The following PTPRS variants were observed in gnomAD, a reference collection of about 807,000 sequenced individuals.
PTPRS encodes the protein protein tyrosine phosphatase receptor type S, also known as receptor-type tyrosine-protein phosphatase S.
PTPRS carries 63 observed loss-of-function variants against 215.3 expected under a neutral mutation model. That is an observed-to-expected ratio of 0.29 (90% CI 0.24 to 0.36). The LOEUF (loss-of-function observed/expected upper bound fraction) is 0.36, where lower values mean the gene tolerates loss of function less well. Among genes scored for constraint, PTPRS ranks in the 10% least tolerant of loss-of-function variants. PTPRS has a pLI of 1.00. For synonymous variants in PTPRS, 1,404 were observed against 1,191.4 expected (o/e 1.18, Z -3.68); for missense variants, 2,258 against 2,825.8 (o/e 0.80, Z 4.56).
chr19:5,313,965 AATAAT>A (rs1555808199), intron 1 of PTPRS, among the ~76,000 whole-genome samples: 6 of 138,840 alleles, frequency 4.3e-5, no homozygotes, highest in South Asian at 2.2e-4. Context: ...TAATAATAAT[AATAAT>A]AAATAAAAGT....
chr19:5,262,879 T>C, intron 6 of PTPRS, 85 bp downstream of exon 6: 1 of 1,366,972 alleles, frequency 7.3e-7, no homozygotes. Flanking sequence ...ACGGTGGCTG[T>C]TAGTTTGGTG....
intron 11 of PTPRS, among the ~76,000 whole-genome samples, chr19:5,242,525 G>A (rs890621871): frequency 2.7e-5 from 4 of 150,512 alleles, no homozygotes; most frequent in Admixed American, 6.7e-5. Flanking sequence ...GTGCCACCAC[G>A]ACTGGCTAAT....
At chr19:5,239,555 G>C (rs975851614) in intron 12 of PTPRS, among the ~76,000 whole-genome samples, 7 of 151,092 alleles carry the variant, frequency 4.6e-5, no homozygotes, top group African/African-American at 1.7e-4. Context: ...GACAGATACA[G>C]AGATAGACAC....
intron 2 of PTPRS, among the ~76,000 whole-genome samples, chr19:5,284,006 C>T (rs893052091): frequency 5.9e-5 from 9 of 151,542 alleles, no homozygotes; most frequent in African/African-American, 1.2e-4. Flanking sequence ...CTTAAGCTCA[C>T]GAGTTTGAGA....
At chr19:5,271,284 G>A (rs1478985577) in intron 4 of PTPRS, among the ~76,000 whole-genome samples, 5 of 152,184 alleles carry the variant, frequency 3.3e-5, no homozygotes, top group African/African-American at 7.2e-5. Flanking sequence ...ACACAGTAAC[G>A]GGGAAGTAGA....
At chr19:5,213,220 G>GC (rs2041092200) in intron 30 of PTPRS, among the ~76,000 whole-genome samples, 2 of 152,090 alleles carry the variant, frequency 1.3e-5, no homozygotes, top group South Asian at 4.1e-4. Context: ...TCCCACCCAA[G>GC]CCCCCCAGTC....
rs61743105 is a variant in PTPRS at position 5,219,945 on chromosome 19, G to C, written c.3759C>G (p.Ser1253Arg). The change falls in exon 22 of 38, where the codon AGC (serine) becomes AGG (arginine). Residue 1253 changes from serine (S) to arginine (R), a missense_variant. Around this residue, in one of 6 missense-constraint regions of PTPRS, gnomAD observed 927 missense variants for 1,125.9 expected, o/e 0.82. Coordinates refer to ENST00000262963, the MANE Select transcript of PTPRS (RefSeq NM_002850.4). ...GACACCATTCAGGACTTACAGGCTC[G>C]CTCTTCTGAAGCACGGCAAGCACGA... ...VLFVLAVLQK[S>R]EPTFAASPFS... The C allele has an allele frequency of 1.9e-6, 3 of 1,613,242 alleles. No individual in the cohort carries two copies. The highest frequency in any genetic ancestry group is 8.5e-7 in the Non-Finnish European group (1 of 1,179,618).
At chr19:5,288,557 T>C (rs369845939) in intron 1 of PTPRS, among the ~76,000 whole-genome samples, 16 of 152,290 alleles carry the variant, frequency 1.1e-4, no homozygotes, top group African/African-American at 3.8e-4. Flanking sequence ...CAGCTGGGGC[T>C]AGGGTGACCA....
At position 5,244,914 on chromosome 19, in the gene PTPRS, C is replaced by T. The variant is rs970384138; in HGVS notation, c.989-432G>A. 2.6e-5 allele frequency among the ~76,000 whole-genome samples: 4 copies of T among 152,132 alleles called. No individual in the cohort carries two copies. The highest frequency in any genetic ancestry group is 3.9e-4 in the East Asian group (2 of 5,170). On this transcript the variant is annotated intron_variant, in intron 10 of 37. Transcript: ENST00000262963. This position sits in a 1 kb window ranked among gnomAD's most constrained non-coding sequence, Gnocchi z 7.2. ...CGATCTCCTGACCTCGTGATCCGCCCGCCTCGGCCTCCCGAAGTGCTGGGA... is the reference window on the plus strand; with the variant it reads ...CGATCTCCTGACCTCGTGATCCGCCTGCCTCGGCCTCCCGAAGTGCTGGGA...
At chr19:5,336,282 A>G (rs7245391) in intron 1 of PTPRS, among the ~76,000 whole-genome samples, 13,355 of 113,116 alleles carry the variant, frequency 0.12, 945 homozygotes, top group African/African-American at 0.23. Flanking sequence ...GGCGGGGGGG[A>G]AACCACACAC....
At chr19:5,263,425 T>C (rs1255085280) in intron 5 of PTPRS, among the ~76,000 whole-genome samples, 1 of 151,994 alleles carries the variant, frequency 6.6e-6, no homozygotes, top group African/African-American at 2.4e-5. Context: ...AGGTAGGCTC[T>C]TTGGTGGGGG....
Position 5,218,269 on chromosome 19 carries a change from T to C in PTPRS, c.4048+151A>G. 4.9e-5 allele frequency: 34 copies of C among 691,938 alleles called. 3 individuals are homozygous for C. In the South Asian group the frequency reaches 5.9e-4, roughly 12 times the overall value. 42.9% of individuals were successfully genotyped at this position (691,938 alleles called of 1,614,324 possible). ...TATGAGTTCCAAGCCCAGATCCATG[T>C]AGGGTTGGAGGTATTTGGGAATCCA... On this transcript the variant is annotated intron_variant, in intron 25 of 37. Transcript: ENST00000262963.
Position 5,207,915 on chromosome 19 carries a change from T to C in PTPRS, c.5778+7A>G, listed in dbSNP as rs113193640. The C allele has an allele frequency of 2.5e-6, 4 of 1,613,118 alleles. No homozygotes were observed. Among genetic ancestry groups the C allele is most frequent in the South Asian group, 1.1e-5 (1 of 91,062 alleles). On this transcript the variant is annotated splice_region_variant and intron_variant, in intron 37 of 37. Transcript: ENST00000262963. Reference sequence around the variant, plus strand: ...CAGGCTGCCTCCCCTCCCTGTCCCATCTTTACCTCTGTCTGCACCATGGCC... The same window carrying C: ...CAGGCTGCCTCCCCTCCCTGTCCCACCTTTACCTCTGTCTGCACCATGGCC...
intron 1 of PTPRS, among the ~76,000 whole-genome samples, chr19:5,306,988 A>G (rs2049517978): frequency 6.6e-6 from 1 of 152,162 alleles, no homozygotes; most frequent in African/African-American, 2.4e-5. Context: ...ATGTCTATCG[A>G]TAGGAGATTG....
intron 1 of PTPRS, among the ~76,000 whole-genome samples, chr19:5,335,470 G>A (rs752196783): frequency 2.0e-5 from 3 of 152,124 alleles, no homozygotes; most frequent in African/African-American, 2.4e-5. Flanking sequence ...GCTCCTGCAC[G>A]GAGAACTGAA....
chr19:5,206,735 C>T lies in PTPRS; in HGVS notation c.*39G>A. 1 of 1,594,466 alleles carries T rather than the reference C, an allele frequency of 6.3e-7. No individual in the cohort carries two copies. Among genetic ancestry groups the T allele is most frequent in the Non-Finnish European group, 8.6e-7 (1 of 1,162,656 alleles). On this transcript the variant is annotated 3_prime_UTR_variant, in exon 38 of 38. Coordinates refer to ENST00000262963, the MANE Select transcript of PTPRS (RefSeq NM_002850.4). ...GTCCGCCCGGGAGGGGCAGAGGCATCCGGGGCCAGTGGTGTCGGGCCTGGG... is the reference window on the plus strand; with the variant it reads ...GTCCGCCCGGGAGGGGCAGAGGCATTCGGGGCCAGTGGTGTCGGGCCTGGG...
At position 5,206,522 on chromosome 19, in the gene PTPRS, G is replaced by T; in HGVS notation, c.*252C>A. 2.6e-6 allele frequency: 1 copy of T among 391,040 alleles called. No individual in the cohort carries two copies. The highest frequency in any genetic ancestry group is 4.7e-6 in the Non-Finnish European group (1 of 213,962). 24.2% of individuals were successfully genotyped at this position (391,040 alleles called of 1,614,324 possible). On this transcript the variant is annotated 3_prime_UTR_variant, in exon 38 of 38. Transcript: ENST00000262963. The stretch of plus-strand genomic sequence containing the variant: ...ACCCCCCACCCCGGAATCTGGTTTT[G>T]GAATTGGAAGGAAAGGAGGAATGTG...
In PTPRS at chr19:5,241,223, C is replaced by T. The variant is rs151229091; in HGVS notation, c.1571-891G>A. On this transcript the variant is annotated intron_variant, in intron 11 of 37. Coordinates refer to ENST00000262963, the MANE Select transcript of PTPRS (RefSeq NM_002850.4). ...CCCTTTCAAATCACCCCAGTGCCCT[C>T]GCTGGCTGCGAATTAGATGACAGAG... is the stretch of plus-strand genomic sequence containing the variant. Among the ~76,000 whole-genome samples the T allele has an allele frequency of 3.8e-3, 575 of 151,950 alleles. 4 individuals are homozygous for T. The highest frequency in any genetic ancestry group is 0.013 in the African/African-American group (531 of 41,460).
chr19:5,230,818 T>G (rs913924916), intron 14 of PTPRS, among the ~76,000 whole-genome samples: 1 of 152,156 alleles, frequency 6.6e-6, no homozygotes, highest in African/African-American at 2.4e-5. Context: ...GATCTAGGCT[T>G]CGACCACGTG....
Sources: allele counts gnomAD v4.1 joint callset (sites outside exome capture counted in the v4.1 genomes callset), GRCh38; gene constraint gnomAD v4.1.1; regional missense constraint gnomAD v4.1.1; non-coding constraint Gnocchi (gnomAD v3.1); transcripts MANE v1.5; gene names NCBI Gene and HGNC (gene_info 2026-07-23, HGNC 2026-07-21).